Variants in SHANK2 observed in about 807,000 individuals in gnomAD.
SHANK2 encodes SH3 and multiple ankyrin repeat domains 2.
A neutral mutation model predicts 133.7 loss-of-function variants in SHANK2; 43 were observed. The observed-to-expected ratio is 0.32, with a 90% CI of 0.25 to 0.41. The LOEUF (loss-of-function observed/expected upper bound fraction) is 0.41. Ranked by LOEUF, SHANK2 falls within the 10% of genes least tolerant of loss-of-function variation. SHANK2 has a pLI of 1.00. For synonymous variants in SHANK2, 1,017 were observed against 952.8 expected (o/e 1.07, Z -1.24); for missense variants, 1,994 against 2,235.8 (o/e 0.89, Z 2.18).
At chr11:70,491,497 T>C (rs1555155834) in intron 22 of SHANK2, among the ~76,000 whole-genome samples, 1 of 152,246 alleles carries the variant, frequency 6.6e-6, no homozygotes, top group East Asian at 1.9e-4. Flanking sequence ...TAACTGTAAT[T>C]ATTAACAGTT....
intron 10 of SHANK2, chr11:70,942,558 T>C (rs1555084559): frequency 2.2e-6 from 1 of 456,528 alleles, no homozygotes; most frequent in East Asian, 6.9e-5. Flanking sequence ...AATTTCAACA[T>C]GAGATTTGGT....
At chr11:70,924,425 G>A (rs1555081188) in intron 10 of SHANK2, among the ~76,000 whole-genome samples, 1 of 152,122 alleles carries the variant, frequency 6.6e-6, no homozygotes, top group Non-Finnish European at 1.5e-5. Flanking sequence ...TGGTGGGGCT[G>A]AAGGAAAGCC....
rs1555002113 is a variant in SHANK2, at chr11:70,631,408, A to ACACACACACACACACC, written c.2061+28419_2061+28420insGGTGTGTGTGTGTGTG. Reference sequence around the variant, plus strand: ...CACACACACACACACACACACACACACCCACACAACCTCCCTCCCACCTGC... The same window carrying ACACACACACACACACC: ...CACACACACACACACACACACACACACACACACACACACACCCCCACACAACCTCCCTCCCACCTGC... On this transcript the variant is annotated intron_variant, in intron 17 of 25. Transcript: ENST00000601538. Among the ~76,000 whole-genome samples, 12 of 148,914 alleles carry ACACACACACACACACC rather than the reference A, an allele frequency of 8.1e-5. No individual in the cohort carries two copies. The East Asian group carries it at 2.2e-3, about 27-fold the overall frequency.
intron 15 of SHANK2, among the ~76,000 whole-genome samples, chr11:70,675,020 A>T (rs1452274368): frequency 1.3e-5 from 2 of 152,256 alleles, no homozygotes; most frequent in African/African-American, 4.8e-5. Flanking sequence ...ATTACTGTGT[A>T]CAGGTGTGCC....
At chr11:70,565,096 CTG>C (rs540924768) in intron 17 of SHANK2, among the ~76,000 whole-genome samples, 1 of 152,258 alleles carries the variant, frequency 6.6e-6, no homozygotes, top group African/African-American at 2.4e-5. Context: ...CTTTGCAAGA[CTG>C]GGAATTTCTG....
intron 14 of SHANK2, among the ~76,000 whole-genome samples, chr11:70,728,689 AAGG>A (rs1946222910): frequency 7.9e-5 from 12 of 152,230 alleles, no homozygotes; most frequent in Admixed American, 7.2e-4. Flanking sequence ...TCTTCTGCCC[AAGG>A]TGCTGTTTGA....
intron 14 of SHANK2, among the ~76,000 whole-genome samples, chr11:70,767,521 C>T (rs761745283): frequency 6.6e-6 from 1 of 152,112 alleles, no homozygotes; most frequent in Non-Finnish European, 1.5e-5. Flanking sequence ...CACTACTCAG[C>T]CTTGAAAAGG....
chr11:70,532,261 C>T (rs1030568499), intron 17 of SHANK2, among the ~76,000 whole-genome samples: 2 of 152,176 alleles, frequency 1.3e-5, no homozygotes, highest in African/African-American at 4.8e-5. Flanking sequence ...TTCCGGGTGT[C>T]AGCAGGCAGG....
chr11:70,718,117 G>A (rs1555027914), intron 14 of SHANK2, among the ~76,000 whole-genome samples: 1 of 152,208 alleles, frequency 6.6e-6, no homozygotes, highest in South Asian at 2.1e-4. Context: ...AAGGACGCCT[G>A]AAAAACCAGT....
chr11:70,905,803 G>A lies in SHANK2; in HGVS notation c.1108-9236C>T, dbSNP rs1027945872. Among the ~76,000 whole-genome samples the A allele has an allele frequency of 2.8e-4, 38 of 136,714 alleles. No individual in the cohort carries two copies. In the South Asian group the frequency reaches 8.9e-3, roughly 32 times the overall value. The allele number at this position is 136,714 out of a possible 152,430, so 89.7% of individuals were successfully genotyped here. A position where few individuals can be genotyped will look rare whatever the true frequency, so the allele number is the denominator to read the frequency against. ...GTTTATAAGCCACCACCCAGTTTAT[G>A]TTTTTTTTTTTTTTTTTTTTTTTTT... On this transcript the variant is annotated intron_variant, in intron 10 of 25. Transcript: ENST00000601538.
intron 2 of SHANK2, among the ~76,000 whole-genome samples, chr11:71,215,126 T>C (rs1265479677): frequency 1.3e-5 from 2 of 152,184 alleles, no homozygotes; most frequent in African/African-American, 2.4e-5. Flanking sequence ...CGATGTGCGA[T>C]GTCCTTCATC....
intron 15 of SHANK2, among the ~76,000 whole-genome samples, chr11:70,683,176 C>G (rs930841698): frequency 3.9e-5 from 6 of 152,098 alleles, no homozygotes; most frequent in African/African-American, 1.4e-4. Flanking sequence ...TGGGATCTTG[C>G]TTTGTTGCCC....
chr11:70,555,538 G>A (rs375088749), intron 17 of SHANK2, among the ~76,000 whole-genome samples: 3 of 152,302 alleles, frequency 2.0e-5, no homozygotes, highest in Admixed American at 6.5e-5. Context: ...TTGAGCCCTC[G>A]AGTTTGAGAC....
At chr11:71,211,638 T>C (rs1469407764) in intron 2 of SHANK2, among the ~76,000 whole-genome samples, 1 of 134,134 alleles carries the variant, frequency 7.5e-6, no homozygotes, top group Non-Finnish European at 1.6e-5. Context: ...TTTTTGAGCA[T>C]TTGCAAAAAA....
At chr11:70,924,096 G>A (rs1037832064) in intron 10 of SHANK2, among the ~76,000 whole-genome samples, 2 of 152,112 alleles carry the variant, frequency 1.3e-5, no homozygotes, top group South Asian at 2.1e-4. Flanking sequence ...AAGCCTTGCC[G>A]GGCCCTAGGT....
At chr11:70,862,470 G>A (rs1949274701) in intron 11 of SHANK2, among the ~76,000 whole-genome samples, 1 of 152,226 alleles carries the variant, frequency 6.6e-6, no homozygotes, top group South Asian at 2.1e-4. Flanking sequence ...TTGGTATTTG[G>A]AGCCTGGACT....
intron 14 of SHANK2, among the ~76,000 whole-genome samples, chr11:70,717,108 A>C (rs1591780686): frequency 6.6e-6 from 1 of 152,102 alleles, no homozygotes; most frequent in Non-Finnish European, 1.5e-5. Context: ...ACGGAAATCC[A>C]CCCAGCCATG....
Position 70,674,289 on chromosome 11 carries a change from C to T in SHANK2, c.1854-12611G>A, listed in dbSNP as rs544072279. On this transcript the variant is annotated intron_variant, in intron 15 of 25. Coordinates refer to ENST00000601538, the MANE Select transcript of SHANK2 (RefSeq NM_012309.5). ...TATCAATTACCCAGGCTCAGGCATC[C>T]ATTACTGCAATGCAGCTGAACTAAG... Among the ~76,000 whole-genome samples the T allele has an allele frequency of 3.3e-5, 5 of 152,318 alleles. No homozygotes were observed. The East Asian group carries it at 7.7e-4, about 23-fold the overall frequency.
chr11:71,103,276 T>A (rs1951747755), intron 6 of SHANK2, among the ~76,000 whole-genome samples: 1 of 152,200 alleles, frequency 6.6e-6, no homozygotes. Context: ...GGCAAGGCCC[T>A]GTGTGCTGCT....
Sources: allele counts gnomAD v4.1 joint callset (sites outside exome capture counted in the v4.1 genomes callset), GRCh38; gene constraint gnomAD v4.1.1; transcripts MANE v1.5; gene names NCBI Gene and HGNC (gene_info 2026-07-23, HGNC 2026-07-21).